Variants in KCTD1 observed in about 807,000 individuals in gnomAD.
KCTD1 encodes the protein BTB/POZ domain-containing protein KCTD1.
KCTD1 carries 24 observed loss-of-function variants against 66.0 expected under a neutral mutation model. The observed-to-expected ratio is 0.36, with a 90% confidence interval of 0.26 to 0.51. The LOEUF is 0.51. Among genes scored for constraint, KCTD1 ranks in the 20% least tolerant of loss-of-function variants. The pLI is 0.95. For missense variants in KCTD1, 943 were observed against 1,205.2 expected (o/e 0.78, Z 3.22); for synonymous variants, 511 against 517.2 (o/e 0.99, Z 0.16).
At position 26,516,600 on chromosome 18, in the gene KCTD1, T is replaced by C. The variant is rs546265220; in HGVS notation, c.1810-15350A>G. Among the ~76,000 whole-genome samples the C allele has an allele frequency of 2.6e-5, 4 of 152,286 alleles. No homozygotes were observed. In the East Asian group the frequency reaches 5.8e-4, roughly 22 times the overall value. On this transcript the variant is annotated intron_variant, in intron 1 of 4. Coordinates refer to ENST00000580059, the MANE Select transcript of KCTD1 (RefSeq NM_001142730.3). ...TGGTTATAGCAAGTAGAATGGAAGA[T>C]CACAGGCATCAGTTGAAAGCCTGCA...
Position 26,548,114 on chromosome 18 carries a change from C to T in KCTD1, c.423G>A (p.Ala141=). The change falls in exon 1 of 5, where the codon GCG becomes GCA. Residue 141 remains alanine (A), a synonymous_variant. Transcript: ENST00000580059. ...CGGGCGGCCCACCGCGGGCCCGGGGCGCCAGCAGTCGCGGCGGCGCCTCGG... is the reference window on the plus strand; with the variant it reads ...CGGGCGGCCCACCGCGGGCCCGGGGTGCCAGCAGTCGCGGCGGCGCCTCGG... ...LEPEAPPRLL[A]PRARGGPPGD... is the part of the protein sequence containing the mutation. 7.7e-7 allele frequency: 1 copy of T among 1,306,700 alleles called. No homozygotes were observed. The highest frequency in any genetic ancestry group is 3.1e-5 in the East Asian group (1 of 32,234). The allele number at this position is 1,306,700 out of a possible 1,614,324, so 80.9% of individuals were successfully genotyped here. A position where few individuals can be genotyped will look rare whatever the true frequency, so the allele number is the denominator to read the frequency against.
At chr18:26,605,724 A>ATC (rs1555646503) in intron 1 of KCTD1, among the ~76,000 whole-genome samples, 8 of 136,044 alleles carry the variant, frequency 5.9e-5, no homozygotes, top group Non-Finnish European at 1.1e-4. Context: ...ATATATCTCT[A>ATC]TATCTATCTA....
upstream of KCTD1, among the ~76,000 whole-genome samples, chr18:26,631,003 C>G (rs914689905): frequency 1.1e-4 from 17 of 152,166 alleles, no homozygotes; most frequent in Admixed American, 2.0e-4. Context: ...ATATGCTTTT[C>G]TGATTAGATG....
intron 1 of KCTD1, among the ~76,000 whole-genome samples, chr18:26,528,947 A>G (rs996619166): frequency 2.0e-5 from 3 of 152,168 alleles, no homozygotes; most frequent in Middle Eastern, 3.2e-3. Flanking sequence ...AAGCAAAACA[A>G]TCTGCCCCAA....
chr18:26,466,582 C>T (rs1391634593), intron 3 of KCTD1, among the ~76,000 whole-genome samples: 2 of 152,146 alleles, frequency 1.3e-5, no homozygotes, highest in Non-Finnish European at 2.9e-5. Context: ...CTATATTGCA[C>T]AGGACAGCCC....
At chr18:26,627,477 C>T (rs986533608) in intron 1 of KCTD1, among the ~76,000 whole-genome samples, 3 of 152,146 alleles carry the variant, frequency 2.0e-5, no homozygotes, top group Non-Finnish European at 4.4e-5. Context: ...TGGCTCAACA[C>T]ACACTAAAAC....
intron 1 of KCTD1, among the ~76,000 whole-genome samples, chr18:26,622,008 T>C (rs1987396338): frequency 6.6e-6 from 1 of 152,196 alleles, no homozygotes; most frequent in African/African-American, 2.4e-5. Flanking sequence ...TTTACAAAGA[T>C]GGATTCTAGT....
chr18:26,588,954 G>T (rs1351498316), intron 1 of KCTD1, among the ~76,000 whole-genome samples: 1 of 151,370 alleles, frequency 6.6e-6, no homozygotes, highest in Non-Finnish European at 1.5e-5. Context: ...ACTTAAGCAT[G>T]AACTCAGATC....
At chr18:26,500,999 A>C in intron 2 of KCTD1, 73 bp downstream of exon 2, 4 of 1,539,334 alleles carry the variant, frequency 2.6e-6, no homozygotes, top group Non-Finnish European at 2.7e-6. Flanking sequence ...CTACACTGCT[A>C]TGCTGGTCAA....
intron 1 of KCTD1, among the ~76,000 whole-genome samples, chr18:26,585,457 C>A (rs1986452624): frequency 6.6e-6 from 1 of 152,126 alleles, no homozygotes; most frequent in Non-Finnish European, 1.5e-5. Flanking sequence ...AATTAACATG[C>A]AGGGGCCTCT....
At chr18:26,526,547 A>T (rs1984169662) in intron 1 of KCTD1, among the ~76,000 whole-genome samples, 1 of 152,230 alleles carries the variant, frequency 6.6e-6, no homozygotes. Flanking sequence ...GTCACTTGAG[A>T]TGAGGCTGGA....
chr18:26,604,970 G>A (rs1408812061), intron 1 of KCTD1, among the ~76,000 whole-genome samples: 1 of 152,108 alleles, frequency 6.6e-6, no homozygotes, highest in Non-Finnish European at 1.5e-5. Flanking sequence ...TACCTCTTTA[G>A]GAACCCAGGT....
chr18:26,548,725 G>T, upstream of KCTD1: 2 of 794,398 alleles, frequency 2.5e-6, no homozygotes, highest in Non-Finnish European at 3.2e-6. Flanking sequence ...ATGGAGGGGA[G>T]GGGGGAGGGG....
intron 2 of KCTD1, among the ~76,000 whole-genome samples, chr18:26,497,531 A>C (rs1982541962): frequency 6.6e-6 from 1 of 152,232 alleles, no homozygotes; most frequent in Non-Finnish European, 1.5e-5. Context: ...CTATGGGAAA[A>C]GCATGAAGAA....
At chr18:26,494,545 G>A (rs1332004257) in intron 2 of KCTD1, among the ~76,000 whole-genome samples, 6 of 152,180 alleles carry the variant, frequency 3.9e-5, no homozygotes, top group African/African-American at 1.4e-4. Context: ...CAGCAGTTGT[G>A]CAAGGTAAGT....
chr18:26,483,994 G>C (rs1187133978), intron 2 of KCTD1, among the ~76,000 whole-genome samples: 1 of 152,202 alleles, frequency 6.6e-6, no homozygotes, highest in African/African-American at 2.4e-5. Context: ...ATTTTTAAAT[G>C]TCCATAATAA....
intron 1 of KCTD1, among the ~76,000 whole-genome samples, chr18:26,587,789 A>G (rs1343641530): frequency 6.6e-6 from 1 of 152,212 alleles, no homozygotes; most frequent in African/African-American, 2.4e-5. Flanking sequence ...AGAGAACTAG[A>G]ATTAGAAGTG....
intron 3 of KCTD1, among the ~76,000 whole-genome samples, chr18:26,461,989 A>G (rs1272512228): frequency 6.6e-6 from 1 of 152,170 alleles, no homozygotes; most frequent in African/African-American, 2.4e-5. Context: ...ATGGTGGCGG[A>G]CAAAGCCCTG....
At chr18:26,540,580 C>T (rs553458186) in intron 1 of KCTD1, among the ~76,000 whole-genome samples, 1 of 152,294 alleles carries the variant, frequency 6.6e-6, no homozygotes, top group South Asian at 2.1e-4. Context: ...GCAAGATCAA[C>T]CCCTCCTCTT....
Sources: gnomAD v4.1 joint callset for allele counts (sites outside exome capture counted in the v4.1 genomes callset) on GRCh38, gnomAD v4.1.1 for gene constraint, MANE v1.5 for transcripts, NCBI Gene and HGNC (gene_info 2026-07-23, HGNC 2026-07-21) for gene names.